LRRC63: variants seen among roughly 807,000 people sequenced by gnomAD.
The protein encoded by LRRC63 is leucine-rich repeat-containing protein 63.
LRRC63 carries 40 observed loss-of-function variants against 49.5 expected under a neutral mutation model. The ratio of observed to expected loss-of-function variants is 0.81; its 90% CI spans 0.63 to 1.05. LRRC63 has a LOEUF of 1.05. Ranked by LOEUF, LRRC63 falls within the 50% of genes least tolerant of loss-of-function variation. The probability of loss-of-function intolerance (pLI) is 0.00; values close to 1 mark genes in which losing one functional copy is unlikely to be tolerated. For missense variants in LRRC63, 636 were observed against 663.1 expected, an observed-to-expected ratio of 0.96 and a Z score of 0.45; for synonymous variants, 191 against 221.1, an observed-to-expected ratio of 0.86 and a Z score of 1.21.
At chr13:46,235,848 G>T (rs1461159315) in intron 5 of LRRC63, among the ~76,000 whole-genome samples, 1 of 152,088 alleles carries the variant, frequency 6.6e-6, no homozygotes, top group Non-Finnish European at 1.5e-5. Flanking sequence ...TCTTAAATAT[G>T]TTCAAACTGC....
intron 9 of LRRC63, chr13:46,269,989 C>A (rs957576775): frequency 1.5e-5 from 5 of 343,056 alleles, no homozygotes; most frequent in African/African-American, 1.0e-4. Flanking sequence ...CCATGGGTAG[C>A]ACTGAACCTT....
intron 2 of LRRC63, among the ~76,000 whole-genome samples, chr13:46,217,822 G>A (rs186703885): frequency 1.3e-5 from 2 of 152,256 alleles, no homozygotes; most frequent in African/African-American, 2.4e-5. Flanking sequence ...GTTCTCATTG[G>A]TTTCAAAGGA....
intron 5 of LRRC63, among the ~76,000 whole-genome samples, chr13:46,240,780 G>A (rs1450784612): frequency 1.3e-5 from 2 of 152,152 alleles, no homozygotes; most frequent in Non-Finnish European, 2.9e-5. Context: ...AACCAAGGAT[G>A]TGAACGATCT....
chr13:46,223,703 A>G (rs917450728), intron 2 of LRRC63, among the ~76,000 whole-genome samples: 3 of 152,006 alleles, frequency 2.0e-5, no homozygotes, highest in African/African-American at 4.8e-5. Context: ...AAAAAATACA[A>G]AAATTAGCTG....
At chr13:46,248,599 T>C (rs1165338574) in intron 6 of LRRC63, among the ~76,000 whole-genome samples, 2 of 151,920 alleles carry the variant, frequency 1.3e-5, no homozygotes, top group African/African-American at 4.8e-5. Flanking sequence ...TATAAACAAA[T>C]GTTTATTTAG....
At chr13:46,228,162 A>G in exon 3 of LRRC63, 1 of 1,549,304 alleles carries the variant, frequency 6.5e-7, no homozygotes, top group African/African-American at 1.4e-5. Flanking sequence ...AGTTTTACCA[A>G]GAAAACCTCA....
chr13:46,223,186 A>G (rs1048255969), intron 2 of LRRC63, among the ~76,000 whole-genome samples: 23 of 152,078 alleles, frequency 1.5e-4, no homozygotes, highest in Admixed American at 4.6e-4. Context: ...CATTGTGCAC[A>G]TGTACCCTAA....
At chr13:46,266,669 G>A in intron 8 of LRRC63, 64 bp from the exon 9 acceptor site, 2 of 1,363,984 alleles carry the variant, frequency 1.5e-6, no homozygotes, top group African/African-American at 2.9e-5. Context: ...AATTGAGGCA[G>A]AATTTTACTT....
intron 7 of LRRC63, among the ~76,000 whole-genome samples, chr13:46,256,853 G>A (rs2047519529): frequency 6.6e-6 from 1 of 152,168 alleles, no homozygotes; most frequent in African/African-American, 2.4e-5. Flanking sequence ...GGATAGATGT[G>A]AATCTTTAGG....
At chr13:46,214,307 G>A (rs2046182779) in intron 2 of LRRC63, among the ~76,000 whole-genome samples, 1 of 152,054 alleles carries the variant, frequency 6.6e-6, no homozygotes, top group South Asian at 2.1e-4. Context: ...CTGTAATACT[G>A]CCACAATTTC....
At chr13:46,272,223 C>A (rs1310369812) in intron 9 of LRRC63, among the ~76,000 whole-genome samples, 3 of 152,102 alleles carry the variant, frequency 2.0e-5, no homozygotes, top group Non-Finnish European at 2.9e-5. Flanking sequence ...TATTTTTGGA[C>A]CACAGTTGAT....
intron 2 of LRRC63, among the ~76,000 whole-genome samples, chr13:46,218,104 A>G (rs1230443): frequency 0.48 from 73,210 of 151,922 alleles, 19,191 homozygotes; most frequent in African/African-American, 0.67. Flanking sequence ...AGTTCTGTAG[A>G]TGTCTATTAG....
intron 2 of LRRC63, among the ~76,000 whole-genome samples, chr13:46,219,296 G>T (rs546516443): frequency 6.6e-6 from 1 of 152,158 alleles, no homozygotes; most frequent in East Asian, 1.9e-4. Context: ...GGCTTTGTTC[G>T]TTCCTTTTCA....
At chr13:46,228,844 C>CAA in intron 4 of LRRC63, 111 bp downstream of exon 4, 1 of 688,344 alleles carries the variant, frequency 1.5e-6, no homozygotes, top group Non-Finnish European at 2.5e-6. Flanking sequence ...ATGCATAACA[C>CAA]ACATATGTCT....
At chr13:46,258,418 C>G (rs541637869) in intron 7 of LRRC63, among the ~76,000 whole-genome samples, 1 of 151,296 alleles carries the variant, frequency 6.6e-6, no homozygotes, top group South Asian at 2.1e-4. Flanking sequence ...CGTGAGCCCC[C>G]GCACCCAGCC....
At chr13:46,244,316 T>C (rs1029358802) in intron 5 of LRRC63, among the ~76,000 whole-genome samples, 8 of 152,130 alleles carry the variant, frequency 5.3e-5, no homozygotes, top group Admixed American at 3.9e-4. Context: ...AATCATGAAG[T>C]AGTAGAATAT....
At chr13:46,252,713 G>A (rs1417395126) in intron 7 of LRRC63, among the ~76,000 whole-genome samples, 1 of 152,022 alleles carries the variant, frequency 6.6e-6, no homozygotes, top group African/African-American at 2.4e-5. Flanking sequence ...AGACAACAAA[G>A]GATAGTTGGG....
intron 7 of LRRC63, 121 bp downstream of exon 7, chr13:46,250,612 T>C (rs1181303831): frequency 2.6e-6 from 2 of 768,906 alleles, no homozygotes; most frequent in Admixed American, 3.0e-5. Context: ...TATTCTATTC[T>C]AATTAGCTAA....
At chr13:46,222,549 A>G (rs2046436943) in intron 2 of LRRC63, among the ~76,000 whole-genome samples, 1 of 152,206 alleles carries the variant, frequency 6.6e-6, no homozygotes, top group Non-Finnish European at 1.5e-5. Context: ...ATCATTAAAA[A>G]GTCAGGAAAC....
Sources: gnomAD v4.1 joint callset for allele counts (sites outside exome capture counted in the v4.1 genomes callset) on GRCh38, gnomAD v4.1.1 for gene constraint, MANE v1.5 for transcripts, NCBI Gene and HGNC (gene_info 2026-07-23, HGNC 2026-07-21) for gene names.